PLEKHH2: variants seen among roughly 807,000 people sequenced by gnomAD.
The protein encoded by PLEKHH2 is pleckstrin homology domain-containing family H member 2.
A neutral mutation model predicts 187.9 loss-of-function variants in PLEKHH2; 129 were observed. The ratio of observed to expected loss-of-function variants is 0.69; its 90% CI spans 0.59 to 0.79. The LOEUF (loss-of-function observed/expected upper bound fraction) is 0.79, where lower values mean the gene tolerates loss of function less well. Ranked by LOEUF, PLEKHH2 falls within the 30% of genes least tolerant of loss-of-function variation. The pLI, the probability that PLEKHH2 is intolerant of heterozygous loss-of-function variation, is 0.00. For synonymous variants in PLEKHH2, 686 were observed against 605.6 expected (o/e 1.13, Z -1.95); for missense variants, 2,076 against 1,751.2 (o/e 1.19, Z -3.31).
chr2:43,729,742 C>T lies in PLEKHH2; in HGVS notation c.2827C>T (p.Pro943Ser), dbSNP rs372438174. The part of the protein sequence containing the change: ...VCKLLNIDGE[P>S]SSQIWRHPTL... Reference sequence around the variant, plus strand: ...CAAATTGCTAAATATAGACGGGGAGCCTTGTAAGTTCATAAACATATAAAT... The same window carrying T: ...CAAATTGCTAAATATAGACGGGGAGTCTTGTAAGTTCATAAACATATAAAT... The change falls in exon 18 of 30, where the codon CCT becomes TCT. Residue 943 changes from proline (P) to serine (S), a missense_variant. Transcript: ENST00000282406. The T allele has an allele frequency of 1.3e-6, 2 of 1,584,354 alleles. No individual in the cohort carries two copies. The highest frequency in any genetic ancestry group is 1.2e-5 in the South Asian group (1 of 86,820).
intron 22 of PLEKHH2, among the ~76,000 whole-genome samples, chr2:43,743,200 A>G (rs115836140): frequency 0.014 from 2,064 of 152,332 alleles, 24 homozygotes; most frequent in South Asian, 0.056. Flanking sequence ...GCTTTTTCCC[A>G]TCAGTACACC....
At chr2:43,668,219 A>G (rs1667319803) in intron 2 of PLEKHH2, among the ~76,000 whole-genome samples, 1 of 152,110 alleles carries the variant, frequency 6.6e-6, no homozygotes, top group Non-Finnish European at 1.5e-5. Flanking sequence ...TTTAATAGAG[A>G]CAAGGTTTTA....
intron 2 of PLEKHH2, among the ~76,000 whole-genome samples, chr2:43,674,717 G>C (rs371792127): frequency 6.6e-6 from 1 of 152,060 alleles, no homozygotes. Flanking sequence ...GCGTGTGGTG[G>C]GTCATGCCTG....
chr2:43,722,266 A>G (rs1203203291), intron 16 of PLEKHH2, among the ~76,000 whole-genome samples: 1 of 151,990 alleles, frequency 6.6e-6, no homozygotes, highest in East Asian at 1.9e-4. Flanking sequence ...AAAAAAAAAA[A>G]AAAAAATGTT....
intron 11 of PLEKHH2, among the ~76,000 whole-genome samples, chr2:43,709,374 T>G (rs1258176088): frequency 6.6e-6 from 1 of 152,202 alleles, no homozygotes; most frequent in African/African-American, 2.4e-5. Flanking sequence ...TAAATTAAGG[T>G]TCAACATTTG....
intron 2 of PLEKHH2, among the ~76,000 whole-genome samples, chr2:43,677,833 C>A (rs577348127): frequency 2.4e-4 from 35 of 143,642 alleles, no homozygotes; most frequent in Non-Finnish European, 4.3e-4. Context: ...GGGGGCTGAC[C>A]CCCCCCCACC....
At chr2:43,691,677 T>C (rs574066018) in intron 3 of PLEKHH2, among the ~76,000 whole-genome samples, 8 of 152,004 alleles carry the variant, frequency 5.3e-5, no homozygotes, top group Non-Finnish European at 1.2e-4. Context: ...TAAAGTACTG[T>C]TCTTTTTTTA....
At chr2:43,691,221 A>C (rs984518050) in intron 3 of PLEKHH2, among the ~76,000 whole-genome samples, 9 of 152,174 alleles carry the variant, frequency 5.9e-5, no homozygotes, top group Admixed American at 2.0e-4. Context: ...AAGTAGTTGC[A>C]CGGACACTCA....
chr2:43,680,191 T>C (rs1668096586), intron 3 of PLEKHH2, among the ~76,000 whole-genome samples: 3 of 152,184 alleles, frequency 2.0e-5, no homozygotes, highest in South Asian at 2.1e-4. Context: ...TATGGAGTAA[T>C]ATGGTTAACT....
chr2:43,678,113 G>C (rs1280500606), intron 2 of PLEKHH2, among the ~76,000 whole-genome samples: 1 of 149,436 alleles, frequency 6.7e-6, no homozygotes, highest in Admixed American at 6.7e-5. Flanking sequence ...TTCCAGACCG[G>C]GCGGCGGGGC....
At chr2:43,740,753 G>A in intron 20 of PLEKHH2, 193 bp from the exon 21 acceptor site, 1 of 1,030,118 alleles carries the variant, frequency 9.7e-7, no homozygotes, top group South Asian at 3.6e-5. Context: ...CAACTAGATG[G>A]ATCATAGATC....
chr2:43,698,656 C>G (rs1669213146), intron 7 of PLEKHH2, among the ~76,000 whole-genome samples: 1 of 152,116 alleles, frequency 6.6e-6, no homozygotes, highest in African/African-American at 2.4e-5. Flanking sequence ...TGCTCATTTG[C>G]AAATTTAACA....
At chr2:43,714,965 G>T (rs2104528740) in intron 15 of PLEKHH2, among the ~76,000 whole-genome samples, 1 of 152,230 alleles carries the variant, frequency 6.6e-6, no homozygotes, top group Middle Eastern at 3.4e-3. Context: ...TGGTACTCTA[G>T]GCTAGGAGAC....
intron 2 of PLEKHH2, among the ~76,000 whole-genome samples, chr2:43,645,926 G>A (rs1444287707): frequency 1.3e-5 from 2 of 152,070 alleles, no homozygotes; most frequent in Non-Finnish European, 2.9e-5. Flanking sequence ...TCCAAAAAAG[G>A]TATTAAATCT....
intron 19 of PLEKHH2, among the ~76,000 whole-genome samples, chr2:43,735,079 AC>A (rs2104580545): frequency 6.6e-6 from 1 of 152,318 alleles, no homozygotes; most frequent in Admixed American, 6.5e-5. Context: ...AATCCCAGCT[AC>A]TAGGGAGGCT....
chr2:43,684,508 T>C (rs1435636028), intron 3 of PLEKHH2, among the ~76,000 whole-genome samples: 1 of 152,070 alleles, frequency 6.6e-6, no homozygotes, highest in Admixed American at 6.5e-5. Context: ...TATTTTTTAT[T>C]TGTGATTTTC....
chr2:43,753,847 A>G (rs1027653250), intron 25 of PLEKHH2, 87 bp downstream of exon 25: 2 of 1,123,514 alleles, frequency 1.8e-6, no homozygotes, highest in Admixed American at 5.9e-5. Flanking sequence ...ATATACTTCA[A>G]TAATTCTTTA....
chr2:43,703,230 A>T (rs1162856871), intron 8 of PLEKHH2, among the ~76,000 whole-genome samples: 1 of 152,198 alleles, frequency 6.6e-6, no homozygotes, highest in Non-Finnish European at 1.5e-5. Context: ...AATTCAGGAC[A>T]TGTTGCTCTA....
At chr2:43,677,175 A>G (rs557273569) in intron 2 of PLEKHH2, among the ~76,000 whole-genome samples, 1 of 152,248 alleles carries the variant, frequency 6.6e-6, no homozygotes, top group Non-Finnish European at 1.5e-5. Context: ...ACTAGTTTAA[A>G]ATATCCAAAC....
Sources: allele counts gnomAD v4.1 joint callset (sites outside exome capture counted in the v4.1 genomes callset), GRCh38; gene constraint gnomAD v4.1.1; transcripts MANE v1.5; gene names NCBI Gene and HGNC (gene_info 2026-07-23, HGNC 2026-07-21).